The following PALLD variants were observed in gnomAD, a reference collection of about 807,000 sequenced individuals.
PALLD encodes the protein palladin, cytoskeletal associated protein, also known as palladin.
Under a neutral mutation model 123.5 loss-of-function variants are expected in PALLD, and 61 were observed. That is an observed-to-expected ratio of 0.49 (90% confidence interval 0.40 to 0.61). The LOEUF (loss-of-function observed/expected upper bound fraction) is 0.61, where lower values mean the gene tolerates loss of function less well. PALLD is among the 20% of genes least tolerant of loss of function. The pLI, the probability that PALLD is intolerant of heterozygous loss-of-function variation, is 0.00. For missense variants in PALLD, 1,273 were observed against 1,377.0 expected, an observed-to-expected ratio of 0.92 and a Z score of 1.20; for synonymous variants, 465 against 496.4, an observed-to-expected ratio of 0.94 and a Z score of 0.84.
intron 10 of PALLD, among the ~76,000 whole-genome samples, chr4:168,856,848 T>C (rs1252195620): frequency 1.3e-5 from 2 of 152,232 alleles, no homozygotes; most frequent in Non-Finnish European, 2.9e-5. Context: ...TCCTAGAGGA[T>C]GGAAGGGTCC....
At chr4:168,684,665 G>A (rs1211026990) in intron 5 of PALLD, among the ~76,000 whole-genome samples, 3 of 152,164 alleles carry the variant, frequency 2.0e-5, no homozygotes, top group Non-Finnish European at 4.4e-5. Context: ...TAAAAAGACA[G>A]TGAAAAGTGA....
intron 2 of PALLD, among the ~76,000 whole-genome samples, chr4:168,666,057 C>T (rs910038208): frequency 3.3e-5 from 5 of 151,148 alleles, no homozygotes; most frequent in Admixed American, 2.0e-4. Flanking sequence ...TGATTTTTTT[C>T]AAACCCTTAA....
intron 10 of PALLD, among the ~76,000 whole-genome samples, chr4:168,714,512 A>G (rs182351943): frequency 5.9e-5 from 9 of 152,364 alleles, no homozygotes; most frequent in Admixed American, 3.3e-4. Flanking sequence ...ATGAATGACT[A>G]TAGGTAACTG....
Position 168,680,658 on chromosome 4 carries a change from A to G in PALLD, c.1088-674A>G, listed in dbSNP as rs796744773. Reference sequence around the variant, plus strand: ...AGCATGTATTATTATATAAAAGAATATAAGTGACCCAAGTTAAATGTATCT... The same window carrying G: ...AGCATGTATTATTATATAAAAGAATGTAAGTGACCCAAGTTAAATGTATCT... On this transcript the variant is annotated intron_variant, in intron 3 of 21. Transcript: ENST00000505667. Among the ~76,000 whole-genome samples, 8 of 152,314 alleles carry G rather than the reference A, an allele frequency of 5.3e-5. No homozygotes were observed. The South Asian group carries it at 6.2e-4, about 12-fold the overall frequency.
intron 10 of PALLD, among the ~76,000 whole-genome samples, chr4:168,835,082 C>T (rs1744941472): frequency 6.6e-6 from 1 of 152,142 alleles, no homozygotes; most frequent in African/African-American, 2.4e-5. Context: ...TGTTGATTTC[C>T]CCCCTTTCCA....
intron 10 of PALLD, among the ~76,000 whole-genome samples, chr4:168,838,733 T>C (rs1371851040): frequency 1.4e-5 from 2 of 147,332 alleles, no homozygotes; most frequent in Admixed American, 1.4e-4. Context: ...GCACTTACTA[T>C]GTGTATGGTT....
intron 2 of PALLD, among the ~76,000 whole-genome samples, chr4:168,569,628 A>T (rs1360514254): frequency 6.6e-6 from 1 of 152,142 alleles, no homozygotes; most frequent in East Asian, 1.9e-4. Flanking sequence ...TTCTAAAAAG[A>T]TCTCTAAGAT....
intron 10 of PALLD, among the ~76,000 whole-genome samples, chr4:168,871,969 T>A (rs1028071292): frequency 6.6e-6 from 1 of 152,168 alleles, no homozygotes; most frequent in Non-Finnish European, 1.5e-5. Context: ...ACCTCCTAGA[T>A]GAGACATCTC....
chr4:168,515,564 C>T (rs1762911876), intron 2 of PALLD, among the ~76,000 whole-genome samples: 1 of 152,090 alleles, frequency 6.6e-6, no homozygotes, highest in South Asian at 2.1e-4. Context: ...GGCAGCTGTA[C>T]TGGGAGGTAA....
intron 10 of PALLD, among the ~76,000 whole-genome samples, chr4:168,764,561 A>C (rs1561497147): frequency 1.3e-5 from 2 of 152,050 alleles, no homozygotes; most frequent in Non-Finnish European, 2.9e-5. Context: ...CCGACTACAG[A>C]TGTGTGCCAC....
At chr4:168,847,868 T>C (rs1049958223) in intron 10 of PALLD, among the ~76,000 whole-genome samples, 1 of 152,070 alleles carries the variant, frequency 6.6e-6, no homozygotes, top group Non-Finnish European at 1.5e-5. Flanking sequence ...AATATTCCTT[T>C]TCTAAAAAAG....
At chr4:168,903,980 T>C (rs1427860470) in intron 15 of PALLD, 74 bp downstream of exon 15, 1 of 1,352,640 alleles carries the variant, frequency 7.4e-7, no homozygotes, top group Non-Finnish European at 1.1e-6. Flanking sequence ...AAAGGAACTA[T>C]TTAAAAGGTG....
At chr4:168,770,515 T>A (rs1251905647) in intron 10 of PALLD, among the ~76,000 whole-genome samples, 1 of 152,234 alleles carries the variant, frequency 6.6e-6, no homozygotes, top group African/African-American at 2.4e-5. Context: ...TGAGAGAACC[T>A]AAGCTTGGCT....
intron 2 of PALLD, among the ~76,000 whole-genome samples, chr4:168,516,754 T>C (rs957762577): frequency 3.3e-5 from 5 of 152,298 alleles, no homozygotes; most frequent in South Asian, 2.1e-4. Context: ...GAAATGGAGA[T>C]AGTGGAATTG....
intron 3 of PALLD, among the ~76,000 whole-genome samples, chr4:168,678,938 GGT>G (rs1216591060): frequency 6.8e-6 from 1 of 148,024 alleles, no homozygotes; most frequent in Admixed American, 6.8e-5. Flanking sequence ...GGTGTGGCAG[GGT>G]GTGTGTGGTG....
At chr4:168,585,944 T>G (rs545240541) in intron 2 of PALLD, among the ~76,000 whole-genome samples, 82 of 152,212 alleles carry the variant, frequency 5.4e-4, no homozygotes, top group Non-Finnish European at 8.4e-4. Context: ...CTAGATAAAC[T>G]TCTTTCCCTC....
At chr4:168,502,778 C>T (rs866089486) in intron 1 of PALLD, among the ~76,000 whole-genome samples, 20 of 152,214 alleles carry the variant, frequency 1.3e-4, no homozygotes, top group Middle Eastern at 3.4e-3. Context: ...ACGATGCACA[C>T]GCGTAGTTCT....
intron 2 of PALLD, among the ~76,000 whole-genome samples, chr4:168,635,341 T>G (rs1776235872): frequency 6.6e-6 from 1 of 152,204 alleles, no homozygotes; most frequent in African/African-American, 2.4e-5. Flanking sequence ...TAGCGGTCCA[T>G]GGGAACACAT....
At chr4:168,898,444 C>A in intron 13 of PALLD, 49 bp from the exon 14 acceptor site, 2 of 1,218,306 alleles carry the variant, frequency 1.6e-6, no homozygotes, top group Non-Finnish European at 2.4e-6. Flanking sequence ...AGACGTGACA[C>A]TTTGTCAGAA....
Sources: allele counts gnomAD v4.1 joint callset (sites outside exome capture counted in the v4.1 genomes callset), GRCh38; gene constraint gnomAD v4.1.1; transcripts MANE v1.5; gene names NCBI Gene and HGNC (gene_info 2026-07-23, HGNC 2026-07-21).